STOML3: variants seen among roughly 807,000 people sequenced by gnomAD.
STOML3 encodes stomatin like 3, also known as stomatin-like protein 3.
A neutral mutation model predicts 29.5 loss-of-function variants in STOML3; 31 were observed. The ratio of observed to expected loss-of-function variants is 1.05; its 90% CI spans 0.79 to 1.42. The LOEUF (loss-of-function observed/expected upper bound fraction) is 1.42. Among genes scored for constraint, STOML3 ranks in the 40% most tolerant of loss-of-function variants. The pLI is 0.00. For synonymous variants in STOML3, 122 were observed against 139.8 expected (o/e 0.87, Z 0.90); for missense variants, 380 against 363.0 (o/e 1.05, Z -0.38).
chr13:38,984,954 T>A (rs66908302), intron 1 of STOML3, among the ~76,000 whole-genome samples: 21,995 of 152,152 alleles, frequency 0.14, 1,910 homozygotes, highest in African/African-American at 0.23. Flanking sequence ...ATGAGGGTGA[T>A]GTTCAGCAAC....
At chr13:38,987,057 A>C (rs926005854) in intron 1 of STOML3, among the ~76,000 whole-genome samples, 1 of 152,214 alleles carries the variant, frequency 6.6e-6, no homozygotes, top group African/African-American at 2.4e-5. Context: ...AAAGCCATTA[A>C]TAGTGATGTG....
intron 1 of STOML3, among the ~76,000 whole-genome samples, chr13:38,984,034 G>T (rs1868404085): frequency 6.6e-6 from 1 of 152,054 alleles, no homozygotes; most frequent in Non-Finnish European, 1.5e-5. Context: ...CCCCACAGCA[G>T]CTTCCTCATG....
At chr13:38,986,139 T>C (rs1304223099) in intron 1 of STOML3, among the ~76,000 whole-genome samples, 1 of 149,930 alleles carries the variant, frequency 6.7e-6, no homozygotes, top group East Asian at 2.0e-4. Context: ...CCTTCCAGGT[T>C]CAAGTGATTC....
intron 6 of STOML3, 55 bp downstream of exon 6, chr13:38,968,344 TG>T: frequency 6.3e-7 from 1 of 1,590,716 alleles, no homozygotes; most frequent in South Asian, 1.1e-5. Context: ...GTCCTATCCT[TG>T]TTGGCCCCAA....
chr13:38,969,946 T>A (rs1030565904), intron 5 of STOML3, among the ~76,000 whole-genome samples: 2 of 151,946 alleles, frequency 1.3e-5, no homozygotes, highest in Non-Finnish European at 2.9e-5. Context: ...CCAAAGAAAA[T>A]GGATAAGGAG....
intron 4 of STOML3, among the ~76,000 whole-genome samples, chr13:38,971,671 C>T (rs1880871517): frequency 6.6e-6 from 1 of 152,120 alleles, no homozygotes; most frequent in Admixed American, 6.6e-5. Flanking sequence ...GCCTTTTATG[C>T]CTGCACTTTG....
rs200028643 is a variant in STOML3 at position 38,985,889 on chromosome 13, CT to C, written c.52+4780del. ...ACCAAAATATTAACAGTGGCTATTT[CT>C]TTTTTTTTTTTCTTTTCTTTCTTTT... On this transcript the variant is annotated intron_variant, in intron 1 of 6. Transcript: ENST00000379631. 4.1e-3 allele frequency among the ~76,000 whole-genome samples: 249 copies of C among 61,366 alleles called. 1 individual carries two copies. Among genetic ancestry groups the C allele is most frequent in the African/African-American group, 7.5e-3 (164 of 21,756 alleles). 40.3% of individuals were successfully genotyped at this position (61,366 alleles called of 152,430 possible). A position where few individuals can be genotyped will look rare whatever the true frequency, so the allele number is the denominator to read the frequency against.
intron 3 of STOML3, among the ~76,000 whole-genome samples, chr13:38,973,522 G>A (rs1880968307): frequency 6.6e-6 from 1 of 152,152 alleles, no homozygotes; most frequent in Admixed American, 6.5e-5. Flanking sequence ...GGAGGGACAT[G>A]ACAGCTCCCT....
chr13:38,985,579 C>T (rs911850331), intron 1 of STOML3, among the ~76,000 whole-genome samples: 1 of 152,068 alleles, frequency 6.6e-6, no homozygotes, highest in African/African-American at 2.4e-5. Context: ...AAAAATACTT[C>T]GTCCTTGAGA....
intron 1 of STOML3, among the ~76,000 whole-genome samples, chr13:38,989,135 T>TA (rs1868892635): frequency 6.6e-6 from 1 of 151,524 alleles, no homozygotes; most frequent in Non-Finnish European, 1.5e-5. Context: ...GTATCTCTCC[T>TA]AAAAAACTAC....
chr13:38,990,697 C>T lies in STOML3; in HGVS notation c.25G>A (p.Glu9Lys). MDSRVSSP[E>K]KQDKENFVGV... ...ACGAAATTCTCTTTATCTTGCTTCT[C>T]AGGTGAAGACACCCTAGAATCCATC... Residue 9 changes from glutamate (E) to lysine (K), a missense_variant, in exon 1 of 7, where the codon GAG becomes AAG. By Grantham distance (56) the Glu-to-Lys change is moderately conservative. Transcript: ENST00000379631. 1 of 1,613,970 alleles carries T rather than the reference C, an allele frequency of 6.2e-7. No individual in the cohort carries two copies. Among genetic ancestry groups the T allele is most frequent in the Non-Finnish European group, 8.5e-7 (1 of 1,179,926 alleles).
At chr13:38,984,019 TC>T (rs955883525) in intron 1 of STOML3, among the ~76,000 whole-genome samples, 3 of 151,572 alleles carry the variant, frequency 2.0e-5, no homozygotes, top group South Asian at 2.1e-4. Context: ...CCTGGAGGCA[TC>T]CCCCCCCACA....
chr13:38,987,314 A>G (rs1023943613), intron 1 of STOML3, among the ~76,000 whole-genome samples: 1 of 151,886 alleles, frequency 6.6e-6, no homozygotes, highest in Non-Finnish European at 1.5e-5. Flanking sequence ...CTTGAGCCCA[A>G]AAGTTCGAGA....
chr13:38,987,998 T>G (rs1868693559), intron 1 of STOML3, among the ~76,000 whole-genome samples: 1 of 106,112 alleles, frequency 9.4e-6, no homozygotes, highest in Non-Finnish European at 1.7e-5. Flanking sequence ...ATATTATATT[T>G]TATATCATAT....
In STOML3 at chr13:38,973,790, C is replaced by CA. The variant is rs1300271226; in HGVS notation, c.230-1197dup. On this transcript the variant is annotated intron_variant, in intron 3 of 6. Transcript: ENST00000379631. The stretch of plus-strand genomic sequence containing the variant: ...CTGTATTTGCTCTAAAATACTGCAC[C>CA]AAAAAAATAAAATATTTTGGAAAGT... Among the ~76,000 whole-genome samples the CA allele has an allele frequency of 6.6e-5, 10 of 152,006 alleles. No homozygotes were observed. The East Asian group carries it at 9.7e-4, about 15-fold the overall frequency.
At position 38,968,460 on chromosome 13, in the gene STOML3, G is replaced by A. The variant is rs775578912; in HGVS notation, c.591C>T (p.Pro197=). 1.1e-5 allele frequency: 17 copies of A among 1,614,054 alleles called. 1 individual carries two copies. The highest frequency in any genetic ancestry group is 6.7e-5 in the Admixed American group (4 of 60,006). Residue 197 remains proline (P), a synonymous_variant, in exon 6 of 7, where the codon CCC becomes CCT. Coordinates refer to ENST00000379631, the MANE Select transcript of STOML3 (RefSeq NM_145286.3). ...CTGCCATGGATCTCTGCAACTGCAC[G>A]GGAATCCGAACATCTTTGATTTCCA... ...ARVEIKDVRI[P]VQLQRSMAAE...
chr13:38,980,155 A>T (rs1881222656), intron 1 of STOML3: 1 of 1,548,202 alleles, frequency 6.5e-7, no homozygotes, highest in Non-Finnish European at 8.7e-7. Flanking sequence ...ACAAGAGAAG[A>T]GAATGTGACT....
At chr13:38,983,506 A>G (rs6563662) in intron 1 of STOML3, among the ~76,000 whole-genome samples, 42,218 of 152,106 alleles carry the variant, frequency 0.28, 7,339 homozygotes, top group African/African-American at 0.5. Flanking sequence ...TTCTCTATAT[A>G]TGCAAGAGCT....
intron 1 of STOML3, among the ~76,000 whole-genome samples, chr13:38,977,853 G>A (rs1881140961): frequency 7.0e-6 from 1 of 143,550 alleles, no homozygotes; most frequent in African/African-American, 2.6e-5. Flanking sequence ...TCCGCCTCCC[G>A]GGTTCGCGCC....
Sources: allele counts gnomAD v4.1 joint callset (sites outside exome capture counted in the v4.1 genomes callset), GRCh38; gene constraint gnomAD v4.1.1; transcripts MANE v1.5; gene names NCBI Gene and HGNC (gene_info 2026-07-23, HGNC 2026-07-21).